SLIT3: variants seen among roughly 807,000 people sequenced by gnomAD.
SLIT3 encodes the protein slit guidance ligand 3, also known as slit homolog 3 protein.
A neutral mutation model predicts 184.0 loss-of-function variants in SLIT3; 68 were observed. That is an observed-to-expected ratio of 0.37 (90% CI 0.30 to 0.45). The LOEUF is 0.45. Ranked by LOEUF, SLIT3 falls within the 20% of genes least tolerant of loss-of-function variation. SLIT3 has a pLI of 1.00. For synonymous variants in SLIT3, 831 were observed against 828.6 expected, an observed-to-expected ratio of 1.00 and a Z score of -0.05; for missense variants, 1,707 against 2,026.0, an observed-to-expected ratio of 0.84 and a Z score of 3.02.
chr5:169,293,793 A>T (rs768698646), intron 1 of SLIT3, among the ~76,000 whole-genome samples: 52 of 152,340 alleles, frequency 3.4e-4, no homozygotes, highest in Non-Finnish European at 5.6e-4. Flanking sequence ...ACTGTATCAA[A>T]CATGGTACTG....
intron 5 of SLIT3, among the ~76,000 whole-genome samples, chr5:168,845,155 C>T (rs1263196055): frequency 6.6e-6 from 1 of 152,084 alleles, no homozygotes; most frequent in Non-Finnish European, 1.5e-5. Flanking sequence ...GCTTTATCTA[C>T]CCAAGAGCGG....
intron 4 of SLIT3, among the ~76,000 whole-genome samples, chr5:168,999,573 C>G (rs892572802): frequency 6.6e-6 from 1 of 152,160 alleles, no homozygotes; most frequent in Admixed American, 6.5e-5. Flanking sequence ...ATGAACTCCT[C>G]TGAAGGACTC....
At chr5:169,189,721 G>C (rs1763486738) in intron 4 of SLIT3, among the ~76,000 whole-genome samples, 1 of 151,734 alleles carries the variant, frequency 6.6e-6, no homozygotes, top group South Asian at 2.1e-4. Flanking sequence ...TGTGAATCCT[G>C]GTTCTGCCGC....
At chr5:168,772,725 C>G in intron 14 of SLIT3, 56 bp downstream of exon 14, 1 of 1,602,352 alleles carries the variant, frequency 6.2e-7, no homozygotes, top group Non-Finnish European at 8.5e-7. Context: ...ATTGGCCTCT[C>G]TGGGGCTGCT....
In SLIT3 at chr5:168,685,786, G is replaced by A; in HGVS notation, c.3456C>T (p.Pro1152=). ...TGACAGTGATGAGCTTCTCGCATCT[G>A]GGGCCGGCGAAGCCTGGTGGGCAGC... ...TCRCPPGFAG[P]RCEKLITVNF... is the part of the protein sequence containing the mutation. Residue 1152 remains proline (P), a synonymous_variant, in exon 31 of 36, where the codon CCC becomes CCT. Transcript: ENST00000519560. 1 of 1,613,402 alleles carries A rather than the reference G, an allele frequency of 6.2e-7. No individual in the cohort carries two copies. Among genetic ancestry groups the A allele is most frequent in the Non-Finnish European group, 8.5e-7 (1 of 1,179,658 alleles).
chr5:169,033,593 C>T (rs1757120872), intron 4 of SLIT3, among the ~76,000 whole-genome samples: 1 of 152,186 alleles, frequency 6.6e-6, no homozygotes, highest in Non-Finnish European at 1.5e-5. Flanking sequence ...TTCATACCCT[C>T]ACCAACATTT....
chr5:168,694,915 G>T (rs776635752), intron 28 of SLIT3, among the ~76,000 whole-genome samples: 1 of 152,190 alleles, frequency 6.6e-6, no homozygotes, highest in African/African-American at 2.4e-5. Flanking sequence ...CACTGCATCC[G>T]CCCCCACAGC....
At chr5:169,158,320 A>AT (rs1762374229) in intron 4 of SLIT3, among the ~76,000 whole-genome samples, 1 of 152,058 alleles carries the variant, frequency 6.6e-6, no homozygotes, top group Admixed American at 6.6e-5. Context: ...AAGTGACACA[A>AT]TTTTTTTTCA....
intron 4 of SLIT3, among the ~76,000 whole-genome samples, chr5:168,891,956 C>A (rs906586455): frequency 6.6e-6 from 1 of 152,150 alleles, no homozygotes; most frequent in Non-Finnish European, 1.5e-5. Flanking sequence ...CCAAATAACT[C>A]TCTGTGCCAG....
At chr5:168,955,907 G>A (rs1317443528) in intron 4 of SLIT3, among the ~76,000 whole-genome samples, 1 of 152,140 alleles carries the variant, frequency 6.6e-6, no homozygotes, top group Non-Finnish European at 1.5e-5. Context: ...TTCAGGCTCA[G>A]GGATGCCATG....
At chr5:168,677,802 G>T in intron 32 of SLIT3, among the ~76,000 whole-genome samples, 1 of 152,210 alleles carries the variant, frequency 6.6e-6, no homozygotes, top group East Asian at 1.9e-4. Context: ...CAAGTGCTCA[G>T]TGAAAGGTGG....
At chr5:169,104,958 C>G (rs974725162) in intron 4 of SLIT3, among the ~76,000 whole-genome samples, 2 of 152,168 alleles carry the variant, frequency 1.3e-5, no homozygotes, top group African/African-American at 2.4e-5. Context: ...ATTTTCATGT[C>G]AAGAAAAGAA....
rs945725124 is a variant in SLIT3, at chr5:168,699,160, G to C, written c.2942+1422C>G. 4.6e-5 allele frequency among the ~76,000 whole-genome samples: 7 copies of C among 152,336 alleles called. No homozygotes were observed. The South Asian group carries it at 8.3e-4, about 18-fold the overall frequency. On this transcript the variant is annotated intron_variant, in intron 27 of 35. Coordinates refer to ENST00000519560, the MANE Select transcript of SLIT3 (RefSeq NM_003062.4). ...GGGTGGTTTGGCTGACTCCAGGCAG[G>C]AAAAGGAACTCTGCCTTGAATTTCA...
intron 4 of SLIT3, among the ~76,000 whole-genome samples, chr5:168,954,936 T>A (rs1406119080): frequency 6.6e-6 from 1 of 152,240 alleles, no homozygotes; most frequent in Admixed American, 6.5e-5. Flanking sequence ...GTGTCAGATT[T>A]AGCCTTACGT....
intron 4 of SLIT3, among the ~76,000 whole-genome samples, chr5:169,092,576 G>A (rs1461731640): frequency 6.6e-6 from 1 of 152,194 alleles, no homozygotes; most frequent in East Asian, 1.9e-4. Context: ...CTCAGCCAAT[G>A]AGACACACTA....
chr5:168,700,666 G>C lies in SLIT3; in HGVS notation c.2858C>G (p.Thr953Ser), dbSNP rs1582545254. The change falls in exon 27 of 36, where the codon ACT (threonine) becomes AGT (serine). Residue 953 changes from threonine (T) to serine (S), a missense_variant. Coordinates refer to ENST00000519560, the MANE Select transcript of SLIT3 (RefSeq NM_003062.4). Reference sequence around the variant, plus strand: ...CTGGATGCAGGTGTTGATGGGCACAGTGCAGTCCTTGCCCTGAGGAGCAAA... The same window carrying C: ...CTGGATGCAGGTGTTGATGGGCACACTGCAGTCCTTGCCCTGAGGAGCAAA... ...CPYSYKGKDC[T>S]VPINTCIQNP... 6.2e-7 allele frequency: 1 copy of C among 1,614,040 alleles called. No homozygotes were observed. Among genetic ancestry groups the C allele is most frequent in the Non-Finnish European group, 8.5e-7 (1 of 1,179,938 alleles).
At chr5:169,280,844 T>C (rs1263520261) in intron 1 of SLIT3, among the ~76,000 whole-genome samples, 1 of 152,068 alleles carries the variant, frequency 6.6e-6, no homozygotes, top group Non-Finnish European at 1.5e-5. Flanking sequence ...TGAGCCTCAG[T>C]TTTTCTATTT....
At chr5:168,915,867 C>T (rs939890126) in intron 4 of SLIT3, among the ~76,000 whole-genome samples, 10 of 152,164 alleles carry the variant, frequency 6.6e-5, no homozygotes, top group Non-Finnish European at 1.3e-4. Context: ...TGTTGGAAAA[C>T]ATTTTTAGGA....
chr5:169,156,660 C>T (rs1335462289), intron 4 of SLIT3, among the ~76,000 whole-genome samples: 3 of 152,180 alleles, frequency 2.0e-5, no homozygotes, highest in Non-Finnish European at 2.9e-5. Flanking sequence ...CATGAGCAAA[C>T]GATGGTGCAA....
Sources: allele counts gnomAD v4.1 joint callset (sites outside exome capture counted in the v4.1 genomes callset), GRCh38; gene constraint gnomAD v4.1.1; transcripts MANE v1.5; gene names NCBI Gene and HGNC (gene_info 2026-07-23, HGNC 2026-07-21).